Variants in ANGPT2 observed in about 807,000 individuals in gnomAD.
ANGPT2 encodes the protein angiopoietin 2.
In ANGPT2, 28 loss-of-function variants were observed where a neutral mutation model predicts 62.9. The ratio of observed to expected loss-of-function variants is 0.44; its 90% CI spans 0.33 to 0.61. The LOEUF (loss-of-function observed/expected upper bound fraction) is 0.61. Ranked by LOEUF, ANGPT2 falls within the 20% of genes least tolerant of loss-of-function variation. The probability of loss-of-function intolerance (pLI) is 0.03; values close to 1 mark genes in which losing one functional copy is unlikely to be tolerated. For synonymous variants in ANGPT2, 284 were observed against 207.8 expected (o/e 1.37, Z -3.15); for missense variants, 727 against 594.9 (o/e 1.22, Z -2.31).
intron 3 of ANGPT2, among the ~76,000 whole-genome samples, chr8:6,526,936 A>G (rs918652573): frequency 6.6e-6 from 1 of 152,148 alleles, no homozygotes; most frequent in African/African-American, 2.4e-5. Flanking sequence ...AAATATTAAT[A>G]TAATCATGTT....
At chr8:6,535,099 A>G (rs1364441879) in intron 1 of ANGPT2, among the ~76,000 whole-genome samples, 1 of 152,238 alleles carries the variant, frequency 6.6e-6, no homozygotes, top group Non-Finnish European at 1.5e-5. Context: ...ATAATAATTT[A>G]CAAAGTGGTA....
chr8:6,533,178 G>A (rs1254181315), intron 1 of ANGPT2, among the ~76,000 whole-genome samples: 1 of 152,102 alleles, frequency 6.6e-6, no homozygotes, highest in Non-Finnish European at 1.5e-5. Flanking sequence ...ATCACCTAAC[G>A]TGCCATGGGC....
chr8:6,531,885 C>G (rs1192676108), intron 2 of ANGPT2, among the ~76,000 whole-genome samples: 5 of 152,164 alleles, frequency 3.3e-5, no homozygotes, highest in Admixed American at 6.5e-5. Context: ...GCTGTGTTAG[C>G]TGTTGAGATT....
rs998263645 is a variant in ANGPT2 at position 6,501,724 on chromosome 8, T to G, written c.*1377A>C. On this transcript the variant is annotated 3_prime_UTR_variant, in exon 9 of 9. Transcript: ENST00000629816. The stretch of plus-strand genomic sequence containing the variant: ...GTGCCCGCCAGCACGCCTGGCTAAT[T>G]TTTGTATTATTTAGTAGAGACAGGG... 5.9e-5 allele frequency: 9 copies of G among 151,882 alleles called. No individual in the cohort carries two copies. The highest frequency in any genetic ancestry group is 1.3e-4 in the Non-Finnish European group (9 of 68,012). 9.4% of individuals were successfully genotyped at this position (151,882 alleles called of 1,614,324 possible).
intron 2 of ANGPT2, among the ~76,000 whole-genome samples, chr8:6,530,023 A>T (rs1043806382): frequency 4.6e-5 from 7 of 151,718 alleles, no homozygotes; most frequent in African/African-American, 1.5e-4. Flanking sequence ...ATTTTTTTAA[A>T]TTTTTGCCAA....
chr8:6,515,042 G>C (rs1362600081), intron 5 of ANGPT2, among the ~76,000 whole-genome samples: 2 of 152,186 alleles, frequency 1.3e-5, no homozygotes, highest in Non-Finnish European at 2.9e-5. Flanking sequence ...GTCATCATCT[G>C]TTCCAGGCTA....
At chr8:6,539,424 C>G (rs930254772) in intron 1 of ANGPT2, among the ~76,000 whole-genome samples, 5 of 152,162 alleles carry the variant, frequency 3.3e-5, no homozygotes, top group African/African-American at 1.2e-4. Context: ...GAAGCCTGGC[C>G]TCTGGTGCCA....
At chr8:6,509,779 C>G (rs1344293673) in intron 7 of ANGPT2, among the ~76,000 whole-genome samples, 1 of 152,174 alleles carries the variant, frequency 6.6e-6, no homozygotes, top group Non-Finnish European at 1.5e-5. Context: ...TAGCTTAGCT[C>G]TAGCCTTCCT....
chr8:6,521,504 G>T, intron 3 of ANGPT2, 94 bp from the exon 4 acceptor site: 1 of 915,906 alleles, frequency 1.1e-6, no homozygotes, highest in Non-Finnish European at 1.6e-6. Context: ...ACTCTGTTAA[G>T]ATATTGTAGT....
At chr8:6,554,005 A>C (rs10103026) in intron 1 of ANGPT2, among the ~76,000 whole-genome samples, 16,294 of 151,736 alleles carry the variant, frequency 0.11, 2,364 homozygotes, top group African/African-American at 0.33. Flanking sequence ...AGACGAGCGC[A>C]CAACTCAGGT....
At chr8:6,534,109 T>G (rs879361657) in intron 1 of ANGPT2, among the ~76,000 whole-genome samples, 2 of 152,138 alleles carry the variant, frequency 1.3e-5, no homozygotes, top group Non-Finnish European at 2.9e-5. Context: ...CCGTGGATAT[T>G]GGATGGGTCA....
At chr8:6,549,663 C>T (rs1823266203) in intron 1 of ANGPT2, among the ~76,000 whole-genome samples, 2 of 144,190 alleles carry the variant, frequency 1.4e-5, no homozygotes, top group South Asian at 2.2e-4. Flanking sequence ...GAGGGAGCTG[C>T]CTGCAGGGGA....
At chr8:6,514,831 A>C in intron 5 of ANGPT2, 53 bp from the exon 6 acceptor site, 43 of 1,407,046 alleles carry the variant, frequency 3.1e-5, no homozygotes, top group Non-Finnish European at 3.7e-5. Context: ...CTCCCCCCTT[A>C]CGTAGCAGAA....
At chr8:6,534,144 C>G (rs914847697) in intron 1 of ANGPT2, among the ~76,000 whole-genome samples, 5 of 152,102 alleles carry the variant, frequency 3.3e-5, no homozygotes, top group African/African-American at 1.2e-4. Context: ...ATGAGAGGCA[C>G]AGTCAGCCCT....
chr8:6,512,600 C>G (rs3020216), intron 7 of ANGPT2, among the ~76,000 whole-genome samples: 1 of 151,906 alleles, frequency 6.6e-6, no homozygotes, highest in African/African-American at 2.4e-5. Context: ...CTCTGCCCCT[C>G]CCGTTGCACA....
chr8:6,546,367 T>C (rs1822574872), intron 1 of ANGPT2, among the ~76,000 whole-genome samples: 1 of 152,206 alleles, frequency 6.6e-6, no homozygotes, highest in Non-Finnish European at 1.5e-5. Flanking sequence ...GCTAGGTTTT[T>C]GGTGGTTGCT....
Position 6,500,134 on chromosome 8 carries a change from G to C in ANGPT2, c.*2967C>G, listed in dbSNP as rs565001532. 2.5e-5 allele frequency: 14 copies of C among 569,634 alleles called. No individual in the cohort carries two copies. Among genetic ancestry groups the C allele is most frequent in the Non-Finnish European group, 4.1e-5 (13 of 317,778 alleles). 35.3% of individuals were successfully genotyped at this position (569,634 alleles called of 1,614,324 possible). A position where few individuals can be genotyped will look rare whatever the true frequency, so the allele number is the denominator to read the frequency against. ...GTGAGACCATTGTGCAAAAAGTAGTGAGGAATGCAGTCCAAAGAAAATTTG... is the reference window on the plus strand; with the variant it reads ...GTGAGACCATTGTGCAAAAAGTAGTCAGGAATGCAGTCCAAAGAAAATTTG... On this transcript the variant is annotated 3_prime_UTR_variant, in exon 9 of 9. Coordinates refer to ENST00000629816, the MANE Select transcript of ANGPT2 (RefSeq NM_001118887.2).
At chr8:6,534,016 C>T (rs558284911) in intron 1 of ANGPT2, among the ~76,000 whole-genome samples, 2 of 152,102 alleles carry the variant, frequency 1.3e-5, no homozygotes, top group Non-Finnish European at 2.9e-5. Flanking sequence ...TCGCCATCGA[C>T]TCTGCCCCAC....
chr8:6,532,786 G>C (rs1212312502), intron 1 of ANGPT2, among the ~76,000 whole-genome samples: 1 of 152,220 alleles, frequency 6.6e-6, no homozygotes, highest in African/African-American at 2.4e-5. Flanking sequence ...ACAGAGGGTG[G>C]TGAGGGCAGC....
Sources: allele counts gnomAD v4.1 joint callset (sites outside exome capture counted in the v4.1 genomes callset), GRCh38; gene constraint gnomAD v4.1.1; transcripts MANE v1.5; gene names NCBI Gene and HGNC (gene_info 2026-07-23, HGNC 2026-07-21).